ANKRD30BL: variants seen among roughly 807,000 people sequenced by gnomAD.
ANKRD30BL encodes putative ankyrin repeat domain-containing protein 30B-like.
ANKRD30BL carries 20 observed loss-of-function variants against 18.4 expected under a neutral mutation model. The observed-to-expected ratio is 1.09, with a 90% confidence interval of 0.77 to 1.58. ANKRD30BL has a LOEUF of 1.58. Ranked by LOEUF, ANKRD30BL falls within the 40% of genes most tolerant of loss-of-function variation. The pLI is 0.00. For missense variants in ANKRD30BL, 224 were observed against 268.6 expected, an observed-to-expected ratio of 0.83 and a Z score of 1.16; for synonymous variants, 72 against 100.9, an observed-to-expected ratio of 0.71 and a Z score of 1.72.
chr2:132,151,615 C>CAA (rs60357550), intron 4 of ANKRD30BL, among the ~76,000 whole-genome samples: 57 of 143,756 alleles, frequency 4.0e-4, no homozygotes, highest in Admixed American at 4.2e-4. Flanking sequence ...AATTAAATTA[C>CAA]AAAAAAAAAA....
intron 1 of ANKRD30BL, among the ~76,000 whole-genome samples, chr2:132,181,060 C>G (rs1364074761): frequency 7.2e-5 from 11 of 152,028 alleles, no homozygotes; most frequent in African/African-American, 1.4e-4. Context: ...AGGAGAATTG[C>G]TTGAACCTGA....
chr2:132,149,653 A>G (rs969543258), intron 5 of ANKRD30BL, among the ~76,000 whole-genome samples: 9 of 152,288 alleles, frequency 5.9e-5, no homozygotes, highest in Middle Eastern at 3.4e-3. Context: ...TTTTAGTGAC[A>G]AAAGTCACTA....
At chr2:132,227,882 T>C (rs1463933477) in intron 1 of ANKRD30BL, among the ~76,000 whole-genome samples, 1 of 152,042 alleles carries the variant, frequency 6.6e-6, no homozygotes, top group Non-Finnish European at 1.5e-5. Context: ...AGTGGGCATT[T>C]GAAGCGCTTT....
At chr2:132,164,716 C>T (rs1573809958), upstream of ANKRD30BL, among the ~76,000 whole-genome samples, 2 of 152,194 alleles carry the variant, frequency 1.3e-5, no homozygotes, top group African/African-American at 4.8e-5. Flanking sequence ...ATCCCCAGAA[C>T]ACCTACTTTG....
intron 1 of ANKRD30BL, among the ~76,000 whole-genome samples, chr2:132,224,792 T>A (rs150551917): frequency 1.3e-5 from 2 of 152,130 alleles, no homozygotes; most frequent in Non-Finnish European, 2.9e-5. Flanking sequence ...CTTTGAGGCA[T>A]TCGATGGAAA....
intron 1 of ANKRD30BL, among the ~76,000 whole-genome samples, chr2:132,245,517 A>G (rs534777001): frequency 3.9e-5 from 6 of 152,334 alleles, no homozygotes; most frequent in African/African-American, 1.2e-4. Context: ...AGAGTTGAAC[A>G]TTCCTTTTCA....
chr2:132,169,434 G>T (rs951012653), intron 1 of ANKRD30BL, among the ~76,000 whole-genome samples: 1 of 143,664 alleles, frequency 7.0e-6, no homozygotes, highest in African/African-American at 2.5e-5. Context: ...ACATCAGGAG[G>T]TCAAGAGATC....
intron 1 of ANKRD30BL, among the ~76,000 whole-genome samples, chr2:132,230,703 A>G (rs760072751): frequency 6.6e-6 from 1 of 151,052 alleles, no homozygotes; most frequent in Non-Finnish European, 1.5e-5. Flanking sequence ...TGTGCATTAA[A>G]CTCACAGATT....
chr2:132,197,368 C>A (rs1305661832), intron 1 of ANKRD30BL, among the ~76,000 whole-genome samples: 1 of 151,968 alleles, frequency 6.6e-6, no homozygotes, highest in African/African-American at 2.4e-5. Context: ...TTGATCTATT[C>A]CTCTTGCTTA....
intron 4 of ANKRD30BL, among the ~76,000 whole-genome samples, chr2:132,151,368 G>T (rs970598478): frequency 6.6e-6 from 1 of 151,968 alleles, no homozygotes; most frequent in Non-Finnish European, 1.5e-5. Context: ...TTATTATAAA[G>T]ATTTAACAAG....
chr2:132,243,932 C>T (rs1265779262), intron 1 of ANKRD30BL, among the ~76,000 whole-genome samples: 4 of 152,286 alleles, frequency 2.6e-5, no homozygotes, highest in Admixed American at 6.5e-5. Context: ...CACAAGAATT[C>T]TAAGAAACTT....
At chr2:132,214,269 G>A (rs1679433843) in intron 1 of ANKRD30BL, among the ~76,000 whole-genome samples, 1 of 152,016 alleles carries the variant, frequency 6.6e-6, no homozygotes, top group South Asian at 2.1e-4. Context: ...CACTCTTTTT[G>A]TAGAATCGGC....
chr2:132,206,367 C>T (rs561075678), intron 1 of ANKRD30BL, among the ~76,000 whole-genome samples: 16 of 152,036 alleles, frequency 1.1e-4, no homozygotes, highest in Middle Eastern at 3.4e-3. Context: ...AATAATAATG[C>T]TAAGTGTGTA....
chr2:132,164,269 CTTTTTTTTT>C (rs796313755), upstream of ANKRD30BL, among the ~76,000 whole-genome samples: 1 of 112,212 alleles, frequency 8.9e-6, no homozygotes, highest in African/African-American at 3.3e-5. Context: ...TTTTCTTTTT[CTTTTTTTTT>C]TTTTTTTTTT....
chr2:132,166,652 C>A (rs538997085), upstream of ANKRD30BL, among the ~76,000 whole-genome samples: 1 of 152,056 alleles, frequency 6.6e-6, no homozygotes, highest in Non-Finnish European at 1.5e-5. Flanking sequence ...AACCCATACC[C>A]CTGTTTCACT....
intron 1 of ANKRD30BL, among the ~76,000 whole-genome samples, chr2:132,189,924 T>C (rs1443590297): frequency 6.6e-6 from 1 of 152,084 alleles, no homozygotes; most frequent in African/African-American, 2.4e-5. Context: ...GTTACAATCT[T>C]GGGTAAATTC....
chr2:132,187,040 T>C (rs1173256727), intron 1 of ANKRD30BL, among the ~76,000 whole-genome samples: 2 of 152,028 alleles, frequency 1.3e-5, no homozygotes, highest in African/African-American at 2.4e-5. Flanking sequence ...CCCTCAAGGG[T>C]TGATGATATT....
intron 1 of ANKRD30BL, among the ~76,000 whole-genome samples, chr2:132,208,971 G>T (rs1453341744): frequency 6.6e-6 from 1 of 151,820 alleles, no homozygotes; most frequent in Non-Finnish European, 1.5e-5. Flanking sequence ...GTGGATATTT[G>T]GAGCGCTTTA....
At chr2:132,256,016 C>T (rs553798061) in intron 1 of ANKRD30BL, among the ~76,000 whole-genome samples, 2 of 152,154 alleles carry the variant, frequency 1.3e-5, no homozygotes, top group Admixed American at 6.5e-5. Context: ...CAGTGCCCTT[C>T]AGCATGTAAT....
Sources: gnomAD v4.1 joint callset for allele counts (sites outside exome capture counted in the v4.1 genomes callset) on GRCh38, gnomAD v4.1.1 for gene constraint, MANE v1.5 for transcripts, NCBI Gene and HGNC (gene_info 2026-07-23, HGNC 2026-07-21) for gene names.